ATG7: variants seen among roughly 807,000 people sequenced by gnomAD.
ATG7 encodes the protein autophagy related 7, also known as ubiquitin-like modifier-activating enzyme ATG7.
ATG7 carries 70 observed loss-of-function variants against 82.4 expected under a neutral mutation model. The ratio of observed to expected loss-of-function variants is 0.85; its 90% CI spans 0.70 to 1.04. The LOEUF is 1.04. Ranked by LOEUF, ATG7 falls within the 50% of genes least tolerant of loss-of-function variation. ATG7 has a pLI of 0.00. For missense variants in ATG7, 792 were observed against 864.3 expected, an observed-to-expected ratio of 0.92 and a Z score of 1.05; for synonymous variants, 287 against 313.0, an observed-to-expected ratio of 0.92 and a Z score of 0.88.
chr3:11,342,676 A>G (rs979811921), intron 13 of ATG7, among the ~76,000 whole-genome samples: 3 of 152,162 alleles, frequency 2.0e-5, no homozygotes, highest in Non-Finnish European at 4.4e-5. Context: ...AAATGACTGT[A>G]GCTACCTTTC....
intron 3 of ATG7, among the ~76,000 whole-genome samples, chr3:11,292,305 G>A (rs1442129807): frequency 1.3e-5 from 2 of 149,062 alleles, no homozygotes; most frequent in African/African-American, 5.0e-5. Flanking sequence ...CCAGGCTGGA[G>A]TGCAGTGGCA....
chr3:11,446,878 G>C (rs2084616186), intron 20 of ATG7: 1 of 156,708 alleles, frequency 6.4e-6, no homozygotes, highest in African/African-American at 2.4e-5. Flanking sequence ...ACATCGTGTT[G>C]TCCATCTACC....
chr3:11,316,185 T>C (rs1209343951), intron 9 of ATG7, among the ~76,000 whole-genome samples: 1 of 152,190 alleles, frequency 6.6e-6, no homozygotes, highest in African/African-American at 2.4e-5. Context: ...AACACTACTG[T>C]AGAAGAATCT....
intron 1 of ATG7, among the ~76,000 whole-genome samples, chr3:11,276,954 C>T (rs1941937826): frequency 1.3e-5 from 2 of 152,176 alleles, no homozygotes; most frequent in Non-Finnish European, 2.9e-5. Context: ...CGTTCTTTCT[C>T]CATTCTTGAA....
At position 11,464,050 on chromosome 3, in the gene ATG7, T is replaced by C. The variant is rs369631739; in HGVS notation, c.2079+37124T>C. Among the ~76,000 whole-genome samples the C allele has an allele frequency of 2.0e-4, 31 of 152,100 alleles. 3 individuals carry two copies. The highest frequency in any genetic ancestry group is 1.5e-3 in the Admixed American group (23 of 15,264). On this transcript the variant is annotated intron_variant, in intron 20 of 20. Transcript: ENST00000693202. ...AAATCATTTAAGTGACAAGAGCAGG[T>C]TGAAAAACAACAGGTGTAGTATGCT...
downstream of ATG7, chr3:11,559,216 TC>T: frequency 2.1e-6 from 3 of 1,424,696 alleles, no homozygotes; most frequent in Non-Finnish European, 2.8e-6. Context: ...AAATACTTTT[TC>T]AACCTCAGCA....
At chr3:11,277,549 G>A (rs1407402186) in intron 1 of ATG7, 4 of 152,248 alleles carry the variant, frequency 2.6e-5, no homozygotes, top group Admixed American at 6.5e-5. Flanking sequence ...ATGCCGACCC[G>A]AGCTGCAAAA....
chr3:11,299,274 A>C (rs1394934201), intron 4 of ATG7, 88 bp from the exon 5 acceptor site: 2 of 1,362,662 alleles, frequency 1.5e-6, no homozygotes, highest in African/African-American at 2.9e-5. Flanking sequence ...GGGCTCAACA[A>C]AGAGAAGAAA....
chr3:11,400,689 C>T (rs1341253939), intron 19 of ATG7, among the ~76,000 whole-genome samples: 1 of 152,096 alleles, frequency 6.6e-6, no homozygotes, highest in East Asian at 1.9e-4. Flanking sequence ...ATAACCTCAA[C>T]AGCCATGCAG....
At chr3:11,482,687 G>A (rs2089143819) in intron 20 of ATG7, among the ~76,000 whole-genome samples, 1 of 151,972 alleles carries the variant, frequency 6.6e-6, no homozygotes, top group African/African-American at 2.4e-5. Context: ...ACATCTGAGT[G>A]ATAGAGAGCT....
At chr3:11,386,917 C>G (rs1369126340) in intron 19 of ATG7, among the ~76,000 whole-genome samples, 2 of 152,236 alleles carry the variant, frequency 1.3e-5, no homozygotes. Flanking sequence ...CCTCAGAACT[C>G]TTGGCTCTTC....
At chr3:11,403,764 C>G (rs767037110) in intron 19 of ATG7, among the ~76,000 whole-genome samples, 1 of 152,080 alleles carries the variant, frequency 6.6e-6, no homozygotes, top group Non-Finnish European at 1.5e-5. Context: ...ATGAATATCA[C>G]AAGGGCAAAA....
At chr3:11,455,544 C>T (rs189014585) in intron 20 of ATG7, among the ~76,000 whole-genome samples, 4 of 152,252 alleles carry the variant, frequency 2.6e-5, no homozygotes, top group East Asian at 1.9e-4. Flanking sequence ...TTCCTTCTTC[C>T]GGTGACATCC....
At chr3:11,427,768 T>C (rs1576340835) in intron 20 of ATG7, among the ~76,000 whole-genome samples, 2 of 151,102 alleles carry the variant, frequency 1.3e-5, no homozygotes, top group African/African-American at 4.9e-5. Context: ...TGAGCCGAGA[T>C]TGTGCCACTG....
intron 20 of ATG7, among the ~76,000 whole-genome samples, chr3:11,543,179 T>G (rs1215277088): frequency 6.6e-6 from 1 of 152,240 alleles, no homozygotes; most frequent in African/African-American, 2.4e-5. Flanking sequence ...CTGCCCGATG[T>G]TCCTTGTGTA....
At chr3:11,436,599 A>T (rs1277705956) in intron 20 of ATG7, among the ~76,000 whole-genome samples, 1 of 152,224 alleles carries the variant, frequency 6.6e-6, no homozygotes, top group Non-Finnish European at 1.5e-5. Flanking sequence ...CACACAAAAA[A>T]TGTACACAGT....
At chr3:11,365,958 G>A (rs2152820069) in intron 18 of ATG7, among the ~76,000 whole-genome samples, 1 of 152,226 alleles carries the variant, frequency 6.6e-6, no homozygotes, top group South Asian at 2.1e-4. Flanking sequence ...GGTGACTCAT[G>A]CCTGTAATTC....
chr3:11,405,708 G>C (rs1297889712), intron 19 of ATG7, among the ~76,000 whole-genome samples: 3 of 151,576 alleles, frequency 2.0e-5, no homozygotes, highest in Non-Finnish European at 2.9e-5. Context: ...GCTCAGTGCA[G>C]CCTCAACTTC....
chr3:11,340,285 GTTATACCTACCCCAGAAAAGATTGT>G (rs1391446065), intron 11 of ATG7, among the ~76,000 whole-genome samples: 1 of 151,806 alleles, frequency 6.6e-6, no homozygotes, highest in Non-Finnish European at 1.5e-5. Context: ...CCTCAGTGGG[GTTATACCTACCCCAGAAAAGATTGT>G]CTTTTTTTTT....
Sources: allele counts gnomAD v4.1 joint callset (sites outside exome capture counted in the v4.1 genomes callset), GRCh38; gene constraint gnomAD v4.1.1; transcripts MANE v1.5; gene names NCBI Gene and HGNC (gene_info 2026-07-23, HGNC 2026-07-21).